The following PARD3B variants were observed in gnomAD, a reference collection of about 807,000 sequenced individuals.
PARD3B encodes the protein par-3 family cell polarity regulator beta, also known as partitioning defective 3 homolog B.
Under a neutral mutation model 130.2 loss-of-function variants are expected in PARD3B, and 103 were observed. The observed-to-expected ratio is 0.79, with a 90% CI of 0.67 to 0.93. The LOEUF (loss-of-function observed/expected upper bound fraction) is 0.93, where lower values mean the gene tolerates loss of function less well. PARD3B is among the 40% of genes least tolerant of loss of function. The pLI is 0.00. For synonymous variants in PARD3B, 583 were observed against 553.2 expected (o/e 1.05, Z -0.76); for missense variants, 1,609 against 1,499.2 (o/e 1.07, Z -1.21).
intron 3 of PARD3B, among the ~76,000 whole-genome samples, chr2:205,022,820 G>A (rs1428350065): frequency 6.6e-6 from 1 of 152,070 alleles, no homozygotes; most frequent in African/African-American, 2.4e-5. Context: ...TCCACAGGTC[G>A]ACTAGGCTGA....
At chr2:204,549,934 AACAAAC>A in intron 1 of PARD3B, among the ~76,000 whole-genome samples, 3 of 152,146 alleles carry the variant, frequency 2.0e-5, no homozygotes, top group African/African-American at 7.2e-5. Context: ...ATTAAAAAAA[AACAAAC>A]AAATAAAAGC....
At chr2:205,075,037 T>G (rs1469022676) in intron 4 of PARD3B, among the ~76,000 whole-genome samples, 2 of 152,210 alleles carry the variant, frequency 1.3e-5, no homozygotes, top group Non-Finnish European at 2.9e-5. Flanking sequence ...GGGTACAATT[T>G]TATAAATCAA....
chr2:204,956,565 A>G (rs1372300006), intron 2 of PARD3B, among the ~76,000 whole-genome samples: 1 of 151,688 alleles, frequency 6.6e-6, no homozygotes, highest in African/African-American at 2.4e-5. Context: ...CACATTTTAA[A>G]TATCCCAGCT....
chr2:205,093,628 A>G (rs896138646), intron 4 of PARD3B, among the ~76,000 whole-genome samples: 1 of 152,100 alleles, frequency 6.6e-6, no homozygotes, highest in Non-Finnish European at 1.5e-5. Context: ...GCACTGTTCT[A>G]AGCTTTGGGA....
intron 2 of PARD3B, among the ~76,000 whole-genome samples, chr2:204,785,756 C>G (rs1346388232): frequency 2.0e-5 from 3 of 152,048 alleles, no homozygotes; most frequent in Non-Finnish European, 2.9e-5. Context: ...TTATTTTTAC[C>G]TTTTTCCCCC....
Position 205,589,683 on chromosome 2 carries a change from G to T in PARD3B, c.3261-25773G>T, listed in dbSNP as rs73062203. 6.6e-6 allele frequency among the ~76,000 whole-genome samples: 1 copy of T among 152,262 alleles called. No individual in the cohort carries two copies. The highest frequency in any genetic ancestry group is 2.4e-5 in the African/African-American group (1 of 41,538). ...CCCTCACATTGTTGTCTCTATTGGA[G>T]AATTGCTAGAGGACTCGAGTTAGGG... is the stretch of plus-strand genomic sequence containing the variant. On this transcript the variant is annotated intron_variant, in intron 22 of 22. Coordinates refer to ENST00000406610, the MANE Select transcript of PARD3B (RefSeq NM_001302769.2). This position sits in a 1 kb window ranked among gnomAD's most constrained non-coding sequence, Gnocchi z 4.1.
At chr2:205,580,883 TATC>T (rs1274562541) in intron 22 of PARD3B, among the ~76,000 whole-genome samples, 1 of 152,178 alleles carries the variant, frequency 6.6e-6, no homozygotes, top group East Asian at 1.9e-4. Flanking sequence ...TCTTTAGAAC[TATC>T]ATGAGAAATT....
rs1287287068 is a variant in PARD3B at position 204,606,527 on chromosome 2, C to G, written c.120+60408C>G. ...TTTTAAAGCTTCTGCACAGAGAGAC[C>G]CATGTTACTTCTGCTCACATTTCGT... On this transcript the variant is annotated intron_variant, in intron 1 of 22. Transcript: ENST00000406610. This position sits in a 1 kb window ranked among gnomAD's most constrained non-coding sequence, Gnocchi z 4.0. Among the ~76,000 whole-genome samples, 1 of 152,032 alleles carries G rather than the reference C, an allele frequency of 6.6e-6. No homozygotes were observed. Among genetic ancestry groups the G allele is most frequent in the Non-Finnish European group, 1.5e-5 (1 of 68,012 alleles).
At chr2:205,283,081 G>A (rs558102800) in intron 16 of PARD3B, among the ~76,000 whole-genome samples, 11 of 152,332 alleles carry the variant, frequency 7.2e-5, no homozygotes, top group African/African-American at 2.4e-4. Context: ...GTAAGAAAGT[G>A]TATAAACTCT....
At chr2:205,072,815 C>T (rs968122210) in intron 4 of PARD3B, among the ~76,000 whole-genome samples, 6 of 152,010 alleles carry the variant, frequency 3.9e-5, no homozygotes, top group South Asian at 2.1e-4. Flanking sequence ...TTAGTAAAAG[C>T]GACGATACCA....
chr2:205,496,002 C>T (rs2049910847), intron 20 of PARD3B, among the ~76,000 whole-genome samples: 4 of 152,048 alleles, frequency 2.6e-5, no homozygotes, highest in Admixed American at 2.6e-4. Flanking sequence ...AGAATTCTTT[C>T]CCAATTACAG....
Position 205,172,198 on chromosome 2 carries a change from T to A in PARD3B, c.1621-13T>A. 1.1e-5 allele frequency: 17 copies of A among 1,613,074 alleles called. No individual in the cohort carries two copies. Among genetic ancestry groups the A allele is most frequent in the Non-Finnish European group, 1.4e-5 (17 of 1,179,152 alleles). On this transcript the variant is annotated splice_polypyrimidine_tract_variant and intron_variant, in intron 11 of 22. Transcript: ENST00000406610. ...TTCTCTGTTGAATATTGTTTTCCTT[T>A]CTTCTGCCTTAGGATGGTCGTCTGC...
intron 2 of PARD3B, among the ~76,000 whole-genome samples, chr2:204,762,065 A>C (rs1237084745): frequency 6.6e-6 from 1 of 150,538 alleles, no homozygotes; most frequent in East Asian, 1.9e-4. Context: ...AAATCAGATA[A>C]TGCTTATATA....
rs189856326 is a variant in PARD3B at position 204,586,079 on chromosome 2, T to C, written c.120+39960T>C. Among the ~76,000 whole-genome samples the C allele has an allele frequency of 2.8e-4, 42 of 152,380 alleles. No homozygotes were observed. The Middle Eastern group carries it at 0.01, about 37-fold the overall frequency. Reference sequence around the variant, plus strand: ...GCTGAGCCTTGCCAGCCTGCTGTTATAACAGTAGCTCCCCTGTAGAGCTCA... The same window carrying C: ...GCTGAGCCTTGCCAGCCTGCTGTTACAACAGTAGCTCCCCTGTAGAGCTCA... On this transcript the variant is annotated intron_variant, in intron 1 of 22. Coordinates refer to ENST00000406610, the MANE Select transcript of PARD3B (RefSeq NM_001302769.2).
chr2:205,182,282 ACT>A (rs2035833907), intron 13 of PARD3B, among the ~76,000 whole-genome samples: 1 of 151,062 alleles, frequency 6.6e-6, no homozygotes, highest in Non-Finnish European at 1.5e-5. Flanking sequence ...ACAGAGTGAG[ACT>A]CTGTCTCAAA....
intron 13 of PARD3B, among the ~76,000 whole-genome samples, chr2:205,185,197 A>G (rs1180963612): frequency 2.0e-5 from 3 of 152,110 alleles, no homozygotes; most frequent in African/African-American, 7.2e-5. Context: ...TTTTCCTTAT[A>G]AGGCCTTAAA....
chr2:204,969,537 G>A (rs1023589407), intron 3 of PARD3B, among the ~76,000 whole-genome samples: 5 of 152,262 alleles, frequency 3.3e-5, no homozygotes, highest in East Asian at 1.9e-4. Context: ...TTTATAATTA[G>A]CAATTGTGTA....
At chr2:204,998,355 T>TACAC (rs1332484220) in intron 3 of PARD3B, among the ~76,000 whole-genome samples, 1 of 74,346 alleles carries the variant, frequency 1.3e-5, no homozygotes, top group East Asian at 2.7e-4. Context: ...TATATATATA[T>TACAC]ATATGTGTGT....
At chr2:205,170,414 T>C (rs1432453729) in intron 11 of PARD3B, among the ~76,000 whole-genome samples, 1 of 152,238 alleles carries the variant, frequency 6.6e-6, no homozygotes, top group Non-Finnish European at 1.5e-5. Flanking sequence ...CATTAAGCTC[T>C]GAGGAGGCGG....
Sources: allele counts gnomAD v4.1 joint callset (sites outside exome capture counted in the v4.1 genomes callset), GRCh38; gene constraint gnomAD v4.1.1; non-coding constraint Gnocchi (gnomAD v3.1); transcripts MANE v1.5; gene names NCBI Gene and HGNC (gene_info 2026-07-23, HGNC 2026-07-21).